The following PRKAR1B variants were observed in gnomAD, a reference collection of about 807,000 sequenced individuals.
The protein encoded by PRKAR1B is protein kinase cAMP-dependent type I regulatory subunit beta.
PRKAR1B carries 22 observed loss-of-function variants against 46.5 expected under a neutral mutation model. That is an observed-to-expected ratio of 0.47 (90% CI 0.34 to 0.68). PRKAR1B has a LOEUF of 0.68. Ranked by LOEUF, PRKAR1B falls within the 30% of genes least tolerant of loss-of-function variation. The pLI is 0.01. For missense variants in PRKAR1B, 445 were observed against 535.6 expected (o/e 0.83, Z 1.67); for synonymous variants, 259 against 217.7 (o/e 1.19, Z -1.67).
chr7:637,689 G>C (rs1784190778), intron 4 of PRKAR1B, among the ~76,000 whole-genome samples: 1 of 151,950 alleles, frequency 6.6e-6, no homozygotes, highest in Non-Finnish European at 1.5e-5. Flanking sequence ...CAAAAAATTA[G>C]CCGGGTGTGG....
chr7:597,142 G>A (rs559905605), intron 6 of PRKAR1B, among the ~76,000 whole-genome samples: 2 of 152,376 alleles, frequency 1.3e-5, no homozygotes, highest in African/African-American at 4.8e-5. Flanking sequence ...TCCCCTCTGG[G>A]TGTCAATGAG....
chr7:657,403 G>T (rs1341933805), intron 4 of PRKAR1B, among the ~76,000 whole-genome samples: 1 of 149,560 alleles, frequency 6.7e-6, no homozygotes, highest in Non-Finnish European at 1.5e-5. Context: ...ATGGATGGAT[G>T]GATGGATGGA....
At chr7:604,631 C>A (rs762350259) in intron 6 of PRKAR1B, among the ~76,000 whole-genome samples, 37 of 152,234 alleles carry the variant, frequency 2.4e-4, no homozygotes, top group Non-Finnish European at 4.0e-4. Flanking sequence ...GCTCCGGAAG[C>A]AGAGTGGGCC....
chr7:581,797 C>A (rs989124298), intron 8 of PRKAR1B, among the ~76,000 whole-genome samples: 4 of 152,058 alleles, frequency 2.6e-5, no homozygotes, highest in Non-Finnish European at 5.9e-5. Context: ...CTCACCACAG[C>A]CTTGAACTCC....
chr7:652,686 C>T (rs951346971), intron 4 of PRKAR1B, among the ~76,000 whole-genome samples: 2 of 152,236 alleles, frequency 1.3e-5, no homozygotes, highest in African/African-American at 2.4e-5. Context: ...GGGAGTGTCT[C>T]GTTTTCCCAG....
intron 4 of PRKAR1B, among the ~76,000 whole-genome samples, chr7:630,212 A>G (rs1783655712): frequency 6.6e-6 from 1 of 152,130 alleles, no homozygotes; most frequent in African/African-American, 2.4e-5. Context: ...AAAGGTGTGG[A>G]GGGGGCTGGG....
At chr7:610,331 C>T (rs779990457) in intron 4 of PRKAR1B, among the ~76,000 whole-genome samples, 3 of 152,166 alleles carry the variant, frequency 2.0e-5, no homozygotes, top group South Asian at 2.1e-4. Flanking sequence ...TCAATGAAAG[C>T]CGACTTTCCA....
chr7:703,396 C>T (rs1308725104), intron 2 of PRKAR1B, among the ~76,000 whole-genome samples: 1 of 152,146 alleles, frequency 6.6e-6, no homozygotes, highest in Non-Finnish European at 1.5e-5. Context: ...CCTGTAATCC[C>T]ACCACTTTGG....
At chr7:568,636 C>T (rs1206447723) in intron 9 of PRKAR1B, among the ~76,000 whole-genome samples, 1 of 152,240 alleles carries the variant, frequency 6.6e-6, no homozygotes, top group Non-Finnish European at 1.5e-5. Flanking sequence ...GGACCACAGC[C>T]ACCACGGCCA....
rs949773357 is a variant in PRKAR1B at position 644,034 on chromosome 7, G to A, written c.440+33195C>T. ...CCGTGAGCATGATGAAATGCCGGCT[G>A]CCCAGTGCTACGAAGCTAGGGGCGG... On this transcript the variant is annotated intron_variant, in intron 4 of 10. Coordinates refer to ENST00000537384, the MANE Select transcript of PRKAR1B (RefSeq NM_001164760.2). This position sits in a 1 kb window ranked among gnomAD's most constrained non-coding sequence, Gnocchi z 4.9. Among the ~76,000 whole-genome samples the A allele has an allele frequency of 6.6e-5, 10 of 152,132 alleles. No individual in the cohort carries two copies. The highest frequency in any genetic ancestry group is 2.4e-4 in the African/African-American group (10 of 41,432).
intron 4 of PRKAR1B, among the ~76,000 whole-genome samples, chr7:619,237 G>A (rs947655523): frequency 3.9e-5 from 6 of 152,192 alleles, no homozygotes; most frequent in Non-Finnish European, 8.8e-5. Flanking sequence ...GGCCAGGCCA[G>A]ATCCCCACAC....
intron 9 of PRKAR1B, among the ~76,000 whole-genome samples, chr7:567,880 G>T (rs561125348): frequency 6.6e-5 from 10 of 152,112 alleles, no homozygotes; most frequent in Non-Finnish European, 8.8e-5. Flanking sequence ...GGCTGGGAGA[G>T]GGGGGTGGGG....
chr7:596,393 C>G, intron 6 of PRKAR1B, 89 bp from the exon 7 acceptor site: 2 of 1,473,458 alleles, frequency 1.4e-6, no homozygotes, highest in Non-Finnish European at 1.8e-6. Flanking sequence ...TTAGCTCTCT[C>G]CAGAAGAGGG....
At chr7:572,669 G>C (rs1301519138) in intron 9 of PRKAR1B, among the ~76,000 whole-genome samples, 1 of 152,246 alleles carries the variant, frequency 6.6e-6, no homozygotes, top group African/African-American at 2.4e-5. Flanking sequence ...ACAGCAGGCT[G>C]CCATTGCAGA....
intron 4 of PRKAR1B, among the ~76,000 whole-genome samples, chr7:615,616 T>C (rs1294388033): frequency 6.6e-6 from 1 of 150,620 alleles, no homozygotes; most frequent in African/African-American, 2.4e-5. Context: ...GGTGGGCGGA[T>C]CACGAGGTCA....
At chr7:570,656 A>G (rs1018875665) in intron 9 of PRKAR1B, among the ~76,000 whole-genome samples, 2 of 151,992 alleles carry the variant, frequency 1.3e-5, no homozygotes, top group Admixed American at 6.5e-5. Context: ...AAGCAGCTGG[A>G]CTATCTCCCT....
At chr7:673,223 T>C (rs1474112809) in intron 4 of PRKAR1B, among the ~76,000 whole-genome samples, 1 of 152,046 alleles carries the variant, frequency 6.6e-6, no homozygotes, top group Non-Finnish European at 1.5e-5. Flanking sequence ...GGCTCTCTCT[T>C]CCTCAGGGTC....
At chr7:661,899 C>A (rs1177291476) in intron 4 of PRKAR1B, among the ~76,000 whole-genome samples, 7 of 67,508 alleles carry the variant, frequency 1.0e-4, no homozygotes, top group Non-Finnish European at 1.8e-4. Context: ...ACTCTCCCCC[C>A]CATGGCACAG....
intron 4 of PRKAR1B, chr7:607,716 T>C (rs1256530078): frequency 5.1e-6 from 2 of 394,912 alleles, no homozygotes; most frequent in Admixed American, 8.9e-5. Context: ...TTTACAAAAA[T>C]GGGGTCATGC....
Sources: gnomAD v4.1 joint callset for allele counts (sites outside exome capture counted in the v4.1 genomes callset) on GRCh38, gnomAD v4.1.1 for gene constraint, Gnocchi (gnomAD v3.1) non-coding constraint, MANE v1.5 for transcripts, NCBI Gene and HGNC (gene_info 2026-07-23, HGNC 2026-07-21) for gene names.